The following FAAH2 variants were observed in gnomAD, a reference collection of about 807,000 sequenced individuals.
FAAH2 encodes the protein fatty-acid amide hydrolase 2.
Under a neutral mutation model 36.9 loss-of-function variants are expected in FAAH2, and 60 were observed. The observed-to-expected ratio is 1.63, with a 90% CI of 1.32 to 2.02. FAAH2 has a LOEUF of 2.02. Among genes scored for constraint, FAAH2 ranks in the 30% most tolerant of loss-of-function variants. The pLI, the probability that FAAH2 is intolerant of heterozygous loss-of-function variation, is 0.00. For missense variants in FAAH2, 689 were observed against 397.5 expected (o/e 1.73, Z -6.23); for synonymous variants, 214 against 143.8 (o/e 1.49, Z -3.49).
At chrX:57,181,215 A>C in the FAAH2 span, among the ~76,000 whole-genome samples, 1 of 108,330 alleles carries the variant, frequency 9.2e-6, no homozygotes, top group South Asian at 3.8e-4. Context: ...TTGAAAACCC[A>C]AATATATTGG....
At chrX:57,462,938 G>A (rs1460056287) in intron 10 of FAAH2, among the ~76,000 whole-genome samples, 1 of 112,010 alleles carries the variant, frequency 8.9e-6, no homozygotes, top group African/African-American at 3.2e-5. Context: ...AACTCTTTAA[G>A]GTGATAAGCA....
At chrX:57,261,131 C>G in the FAAH2 span, among the ~76,000 whole-genome samples, 1 of 111,546 alleles carries the variant, frequency 9.0e-6, no homozygotes, top group Non-Finnish European at 1.9e-5. Flanking sequence ...CGTGAAGCCA[C>G]ACAAATGTCC....
intron 1 of FAAH2, among the ~76,000 whole-genome samples, 180 bp from the exon 2 acceptor site, chrX:57,292,318 C>A (rs1017566734): frequency 1.8e-5 from 2 of 111,571 alleles, no homozygotes; most frequent in Non-Finnish European, 3.8e-5. Flanking sequence ...TTCTTACCTT[C>A]AAAGTAGACA....
chrX:57,394,767 G>A (rs2195766), intron 7 of FAAH2: 259,473 of 924,685 alleles, frequency 0.28, 29,523 homozygotes, highest in African/African-American at 0.58. Flanking sequence ...ATTTCAGGCC[G>A]ACCAGTTGCA....
At chrX:57,425,301 G>A (rs562729033) in intron 7 of FAAH2, among the ~76,000 whole-genome samples, 1 of 111,734 alleles carries the variant, frequency 8.9e-6, no homozygotes, top group East Asian at 2.8e-4. Context: ...ATCTATTCGA[G>A]GAAATAGTTG....
the FAAH2 span, among the ~76,000 whole-genome samples, chrX:57,159,326 G>C: frequency 1.2e-4 from 13 of 111,546 alleles, no homozygotes; most frequent in African/African-American, 1.6e-4. Flanking sequence ...TATGCGGGCT[G>C]TTTTTTGGTT....
chrX:57,248,628 C>T, the FAAH2 span, among the ~76,000 whole-genome samples: 141 of 107,562 alleles, frequency 1.3e-3, no homozygotes, highest in African/African-American at 4.6e-3. Context: ...TGGTGCATGC[C>T]TGTAATCCCA....
At chrX:57,325,320 C>T (rs865991520) in intron 3 of FAAH2, among the ~76,000 whole-genome samples, 3 of 111,081 alleles carry the variant, frequency 2.7e-5, no homozygotes, top group Non-Finnish European at 5.7e-5. Flanking sequence ...TGTGTCTCTG[C>T]CAGGCTTTGG....
chrX:57,236,388 T>C, the FAAH2 span, among the ~76,000 whole-genome samples: 2 of 112,314 alleles, frequency 1.8e-5, no homozygotes, highest in Non-Finnish European at 3.8e-5. Context: ...TATGTGGTGG[T>C]TTAATTTAAT....
chrX:57,327,315 G>A (rs922691388), intron 3 of FAAH2, among the ~76,000 whole-genome samples: 2 of 106,699 alleles, frequency 1.9e-5, no homozygotes, highest in African/African-American at 6.9e-5. Flanking sequence ...ACAATTATTT[G>A]TCTTGGAGTT....
intron 7 of FAAH2, among the ~76,000 whole-genome samples, chrX:57,416,190 TCTGTGTCTTTTAATTGGGACACTTAGC>T (rs1289038222): frequency 2.7e-5 from 3 of 111,615 alleles, no homozygotes; most frequent in African/African-American, 9.8e-5. Context: ...AATTTGCCAG[TCTGTGTCTTTTAATTGGGACACTTAGC>T]CTGTTTACAT....
chrX:57,178,494 G>C, the FAAH2 span, among the ~76,000 whole-genome samples: 2 of 110,796 alleles, frequency 1.8e-5, no homozygotes, highest in Non-Finnish European at 3.8e-5. Context: ...CTTAGGAGGT[G>C]GATAAGGCCA....
At chrX:57,301,008 T>G (rs894829629) in intron 2 of FAAH2, among the ~76,000 whole-genome samples, 1 of 111,049 alleles carries the variant, frequency 9.0e-6, no homozygotes, top group African/African-American at 3.3e-5. Flanking sequence ...TTTTACAATG[T>G]TGGTGGGACT....
the FAAH2 span, among the ~76,000 whole-genome samples, chrX:57,139,290 C>T: frequency 8.9e-6 from 1 of 112,070 alleles, no homozygotes; most frequent in Non-Finnish European, 1.9e-5. Context: ...CCAGTTTTCC[C>T]AACAACATTT....
At chrX:57,443,132 T>C (rs962482545) in intron 8 of FAAH2, among the ~76,000 whole-genome samples, 6 of 111,897 alleles carry the variant, frequency 5.4e-5, no homozygotes, top group Non-Finnish European at 9.4e-5. Flanking sequence ...GCATTCTCTG[T>C]AGTTCCTGAA....
chrX:57,169,482 T>C, the FAAH2 span, among the ~76,000 whole-genome samples: 1 of 66,825 alleles, frequency 1.5e-5, no homozygotes, highest in African/African-American at 4.3e-5. Flanking sequence ...TTCCAGTTGT[T>C]TGGTCAAACA....
At chrX:57,412,684 ATG>A (rs924552271) in intron 7 of FAAH2, among the ~76,000 whole-genome samples, 1 of 111,793 alleles carries the variant, frequency 8.9e-6, no homozygotes, top group African/African-American at 3.3e-5. Flanking sequence ...CAATAAACAT[ATG>A]TGTGTGTGTG....
At chrX:57,159,314 G>C in the FAAH2 span, among the ~76,000 whole-genome samples, 47 of 111,869 alleles carry the variant, frequency 4.2e-4, no homozygotes, top group Admixed American at 4.7e-4. Context: ...GATTGACTTG[G>C]CTATGCGGGC....
At chrX:57,333,511 A>G (rs1461423494) in intron 4 of FAAH2, among the ~76,000 whole-genome samples, 1 of 111,714 alleles carries the variant, frequency 9.0e-6, no homozygotes, top group African/African-American at 3.2e-5. Flanking sequence ...TAAGGGCTAT[A>G]ATGGAAAAAC....
Sources: allele counts gnomAD v4.1 joint callset (sites outside exome capture counted in the v4.1 genomes callset), GRCh38; gene constraint gnomAD v4.1.1; transcripts MANE v1.5; gene names NCBI Gene and HGNC (gene_info 2026-07-23, HGNC 2026-07-21).